The following DENND5A variants were observed in gnomAD, a reference collection of about 807,000 sequenced individuals.
DENND5A encodes the protein DENN domain-containing protein 5A.
Under a neutral mutation model 140.3 loss-of-function variants are expected in DENND5A, and 64 were observed. The observed-to-expected ratio is 0.46, with a 90% CI of 0.37 to 0.56. The LOEUF is 0.56. DENND5A is among the 20% of genes least tolerant of loss of function. DENND5A has a pLI of 0.00. For missense variants in DENND5A, 1,292 were observed against 1,593.8 expected, an observed-to-expected ratio of 0.81 and a Z score of 3.22; for synonymous variants, 605 against 607.7, an observed-to-expected ratio of 1.00 and a Z score of 0.07.
At chr11:9,218,818 C>T (rs1272928724) in intron 1 of DENND5A, among the ~76,000 whole-genome samples, 1 of 152,036 alleles carries the variant, frequency 6.6e-6, no homozygotes, top group African/African-American at 2.4e-5. Flanking sequence ...CCAAGCTAGC[C>T]AACATGGTGA....
chr11:9,178,136 T>C lies in DENND5A; in HGVS notation c.1902A>G (p.Glu634=), dbSNP rs769333878. 6.2e-7 allele frequency: 1 copy of C among 1,611,228 alleles called. No individual in the cohort carries two copies. The highest frequency in any genetic ancestry group is 2.2e-5 in the East Asian group (1 of 44,874). ...ACATTTCCAAGGAGGCCTTACCTGCTTCATCCACAGTGGTACACTTCTGGT... is the reference window on the plus strand; with the variant it reads ...ACATTTCCAAGGAGGCCTTACCTGCCTCATCCACAGTGGTACACTTCTGGT... ...SMYQKCTTVD[E]AEKAIELRLA... The change falls in exon 8 of 23, where the codon GAA becomes GAG. Residue 634 remains glutamate, a synonymous_variant. Coordinates refer to ENST00000328194, the MANE Select transcript of DENND5A (RefSeq NM_015213.4).
chr11:9,244,657 C>G lies in DENND5A; in HGVS notation c.109+20304G>C, dbSNP rs533130849. ...GTGCTGGGATTACAGGCATTAGCCACCACGCTCAGCCTATTTTATTTATTT... is the reference window on the plus strand; with the variant it reads ...GTGCTGGGATTACAGGCATTAGCCAGCACGCTCAGCCTATTTTATTTATTT... On this transcript the variant is annotated intron_variant, in intron 1 of 22. Coordinates refer to ENST00000328194, the MANE Select transcript of DENND5A (RefSeq NM_015213.4). 8.5e-5 allele frequency among the ~76,000 whole-genome samples: 13 copies of G among 152,288 alleles called. No individual in the cohort carries two copies. In the South Asian group the frequency reaches 1.7e-3, roughly 19 times the overall value.
chr11:9,169,491 A>ACACG (rs141381165), intron 10 of DENND5A, among the ~76,000 whole-genome samples: 212 of 112,198 alleles, frequency 1.9e-3, no homozygotes, highest in South Asian at 2.8e-3. Context: ...TCCTATATAC[A>ACACG]CACGCACACA....
chr11:9,255,775 T>TTC (rs753665086), intron 1 of DENND5A, among the ~76,000 whole-genome samples: 8 of 151,400 alleles, frequency 5.3e-5, no homozygotes, highest in Non-Finnish European at 8.8e-5. Flanking sequence ...CAAGGCAGGA[T>TTC]AATTGCTTGA....
chr11:9,173,310 C>G (rs960905679), intron 8 of DENND5A, among the ~76,000 whole-genome samples: 2 of 152,178 alleles, frequency 1.3e-5, no homozygotes, highest in African/African-American at 4.8e-5. Context: ...AAGTATGGAT[C>G]TACAGAAAAG....
In DENND5A at chr11:9,160,851, C is replaced by G; in HGVS notation, c.2298G>C (p.Leu766=). 1 of 1,613,950 alleles carries G rather than the reference C, an allele frequency of 6.2e-7. No individual in the cohort carries two copies. Among genetic ancestry groups the G allele is most frequent in the African/African-American group, 1.3e-5 (1 of 75,052 alleles). The stretch of plus-strand genomic sequence containing the variant: ...CAGCTTCTCGGCCCATCTTTTCCAC[C>G]AGCATCCTCTTGGTCTACAAGGAAG... ...KECRNKTKRM[L]VEKMGREAVE... The change falls in exon 12 of 23, where the codon CTG becomes CTC. Residue 766 remains leucine (L), a synonymous_variant. Coordinates refer to ENST00000328194, the MANE Select transcript of DENND5A (RefSeq NM_015213.4).
intron 1 of DENND5A, among the ~76,000 whole-genome samples, chr11:9,221,785 T>C (rs2078531977): frequency 6.6e-6 from 1 of 152,006 alleles, no homozygotes; most frequent in Non-Finnish European, 1.5e-5. Context: ...TAAGATGGAG[T>C]CTTGCTCTGT....
Position 9,165,987 on chromosome 11 carries a change from A to G in DENND5A, c.2152-20T>C. 1 of 1,613,892 alleles carries G rather than the reference A, an allele frequency of 6.2e-7. No homozygotes were observed. The highest frequency in any genetic ancestry group is 8.5e-7 in the Non-Finnish European group (1 of 1,179,820). ...GTACTTCTATATCAAACAGAAAAAT[A>G]AAGACCCTTTGTGTCCATGTACATA... On this transcript the variant is annotated intron_variant, in intron 10 of 22. Transcript: ENST00000328194.
At chr11:9,196,508 C>A (rs1849334063) in intron 4 of DENND5A, among the ~76,000 whole-genome samples, 1 of 152,164 alleles carries the variant, frequency 6.6e-6, no homozygotes, top group Non-Finnish European at 1.5e-5. Context: ...AACCAGGGTG[C>A]AGAGGCAGAA....
chr11:9,247,348 G>T (rs1330521181), intron 1 of DENND5A, among the ~76,000 whole-genome samples: 3 of 151,938 alleles, frequency 2.0e-5, no homozygotes, highest in Admixed American at 6.6e-5. Context: ...TTCAATGACT[G>T]CAAATATCAG....
At chr11:9,145,436 G>C (rs752185972) in intron 17 of DENND5A, 1 of 598,082 alleles carries the variant, frequency 1.7e-6, no homozygotes, top group Admixed American at 3.0e-5. Context: ...TATGCATGGA[G>C]AGATGTGCAT....
chr11:9,171,393 T>G (rs1415810941), intron 8 of DENND5A: 1 of 152,216 alleles, frequency 6.6e-6, no homozygotes. Context: ...CTTGCCTCAG[T>G]AGTAGATAAT....
intron 1 of DENND5A, among the ~76,000 whole-genome samples, chr11:9,231,683 C>A (rs1424317043): frequency 8.4e-6 from 1 of 119,314 alleles, no homozygotes; most frequent in East Asian, 2.7e-4. Flanking sequence ...CCATTGCATT[C>A]CAGCCTGGGC....
intron 18 of DENND5A, 138 bp downstream of exon 18, chr11:9,144,857 G>A (rs1404414293): frequency 1.5e-6 from 1 of 674,602 alleles, no homozygotes; most frequent in African/African-American, 1.8e-5. Context: ...TCAAGTGTAT[G>A]AGGCAGAGCC....
chr11:9,248,558 G>C (rs1851577968), intron 1 of DENND5A, among the ~76,000 whole-genome samples: 2 of 152,062 alleles, frequency 1.3e-5, no homozygotes, highest in Non-Finnish European at 2.9e-5. Context: ...CAGAGGCTGA[G>C]TAGGAGGATG....
intron 1 of DENND5A, among the ~76,000 whole-genome samples, chr11:9,254,586 G>A (rs1211796061): frequency 6.6e-6 from 1 of 152,130 alleles, no homozygotes; most frequent in Non-Finnish European, 1.5e-5. Flanking sequence ...AGTAATCTGG[G>A]CTTCAGAGCA....
chr11:9,229,747 C>T (rs1353870858), intron 1 of DENND5A, among the ~76,000 whole-genome samples: 1 of 152,034 alleles, frequency 6.6e-6, no homozygotes, highest in East Asian at 1.9e-4. Flanking sequence ...TTGCTGGGTC[C>T]CCCTGCCCCA....
At chr11:9,206,545 T>G (rs149583889) in intron 3 of DENND5A, 128 bp downstream of exon 3, 1 of 702,228 alleles carries the variant, frequency 1.4e-6, no homozygotes, top group African/African-American at 1.8e-5. Flanking sequence ...ATAAACAATA[T>G]GCATTATAAT....
intron 12 of DENND5A, among the ~76,000 whole-genome samples, chr11:9,155,172 G>A (rs773116688): frequency 5.9e-5 from 9 of 151,704 alleles, no homozygotes; most frequent in Non-Finnish European, 1.2e-4. Flanking sequence ...GTCTATTAAT[G>A]TATCTAACAG....
Sources: allele counts gnomAD v4.1 joint callset (sites outside exome capture counted in the v4.1 genomes callset), GRCh38; gene constraint gnomAD v4.1.1; transcripts MANE v1.5; gene names NCBI Gene and HGNC (gene_info 2026-07-23, HGNC 2026-07-21).